CLCA4: variants seen among roughly 807,000 people sequenced by gnomAD.
The protein encoded by CLCA4 is calcium-activated chloride channel regulator 4.
CLCA4 carries 69 observed loss-of-function variants against 78.9 expected under a neutral mutation model. That is an observed-to-expected ratio of 0.87 (90% CI 0.72 to 1.07). CLCA4 has a LOEUF of 1.07. CLCA4 is among the 50% of genes least tolerant of loss of function. The probability of loss-of-function intolerance (pLI) is 0.00; values close to 1 mark genes in which losing one functional copy is unlikely to be tolerated. For missense variants in CLCA4, 1,133 were observed against 1,095.8 expected (o/e 1.03, Z -0.48); for synonymous variants, 362 against 375.8 (o/e 0.96, Z 0.42).
At position 86,570,132 on chromosome 1, in the gene CLCA4, G is replaced by A. The variant is rs113668039; in HGVS notation, c.1183-945G>A. The stretch of plus-strand genomic sequence containing the variant: ...AAAACATGCAAAAATTGTAATAAGC[G>A]TGGTCAATTTGTTCCCTGATACCAG... On this transcript the variant is annotated intron_variant, in intron 7 of 13. Transcript: ENST00000370563. 4.2e-3 allele frequency among the ~76,000 whole-genome samples: 633 copies of A among 151,992 alleles called. 6 individuals carry two copies. Among genetic ancestry groups the A allele is most frequent in the African/African-American group, 0.013 (537 of 41,482 alleles).
rs547846462 is a variant in CLCA4 at position 86,565,461 on chromosome 1, C to T, written c.735+10C>T. ...GCAAAGTATTGATTCTGTAAGTATG[C>T]TGATAATTGCTTCCAGAATTTATAA... On this transcript the variant is annotated intron_variant, in intron 5 of 13. Transcript: ENST00000370563. The T allele has an allele frequency of 5.1e-5, 79 of 1,542,114 alleles. No individual in the cohort carries two copies. In the South Asian group the frequency reaches 9.5e-4, roughly 19 times the overall value.
chr1:86,577,157 T>C (rs1371532950), intron 11 of CLCA4, among the ~76,000 whole-genome samples: 2 of 152,104 alleles, frequency 1.3e-5, no homozygotes, highest in African/African-American at 4.8e-5. Context: ...AAATCTCTAC[T>C]ACATTAAAAC....
chr1:86,570,960 A>G, intron 7 of CLCA4, 117 bp from the exon 8 acceptor site: 1 of 646,480 alleles, frequency 1.5e-6, no homozygotes, highest in Non-Finnish European at 2.5e-6. Context: ...AATAGAGGTT[A>G]TCTCTTCTAT....
chr1:86,550,886 C>A (rs1380859523), intron 1 of CLCA4, among the ~76,000 whole-genome samples: 2 of 146,506 alleles, frequency 1.4e-5, no homozygotes, highest in Non-Finnish European at 3.0e-5. Flanking sequence ...GGCTGGAGTG[C>A]AGTGGTGCGA....
At position 86,559,914 on chromosome 1, in the gene CLCA4, T is replaced by C; in HGVS notation, c.160-18T>C. 1.9e-6 allele frequency: 3 copies of C among 1,576,850 alleles called. No homozygotes were observed. Among genetic ancestry groups the C allele is most frequent in the Non-Finnish European group, 2.6e-6 (3 of 1,164,622 alleles). ...CTCTAACTTCACCATCCTCACATAT[T>C]TTTTCCTTTAATGACAGGATATGGT... On this transcript the variant is annotated intron_variant, in intron 1 of 13. Transcript: ENST00000370563.
At chr1:86,578,368 A>G (rs1650594526) in intron 12 of CLCA4, among the ~76,000 whole-genome samples, 2 of 151,984 alleles carry the variant, frequency 1.3e-5, no homozygotes, top group Non-Finnish European at 2.9e-5. Flanking sequence ...AACTCGTGTC[A>G]TGGCGGTTTG....
At chr1:86,576,319 T>C (rs977315034) in intron 11 of CLCA4, among the ~76,000 whole-genome samples, 2 of 151,844 alleles carry the variant, frequency 1.3e-5, no homozygotes, top group African/African-American at 4.8e-5. Context: ...TGTGCCACCA[T>C]GCTCAGCTAA....
rs769792955 is a variant in CLCA4, at chr1:86,567,564, T to C, written c.1095T>C (p.Ser365=). 10 of 1,613,310 alleles carry C rather than the reference T, an allele frequency of 6.2e-6. No homozygotes were observed. Among genetic ancestry groups the C allele is most frequent in the Middle Eastern group, 1.7e-4 (1 of 6,060 alleles). The part of the protein sequence containing the change: ...IVNKLIQIKS[S]DERNTLMAGL... ...ATAAGCTAATCCAAATAAAAAGCAG[T>C]GATGAAAGAAACACACTCATGGCAG... Residue 365 remains serine (S), a synonymous_variant, in exon 7 of 14, where the codon AGT becomes AGC. Coordinates refer to ENST00000370563, the MANE Select transcript of CLCA4 (RefSeq NM_012128.4).
At chr1:86,578,440 C>T (rs571895538) in intron 12 of CLCA4, among the ~76,000 whole-genome samples, 11 of 151,988 alleles carry the variant, frequency 7.2e-5, no homozygotes, top group Admixed American at 4.6e-4. Context: ...TTTTTTCTGA[C>T]CCTCTCCCTC....
At chr1:86,568,916 T>C (rs1292473918) in intron 7 of CLCA4, among the ~76,000 whole-genome samples, 1 of 152,052 alleles carries the variant, frequency 6.6e-6, no homozygotes, top group African/African-American at 2.4e-5. Context: ...CACATTGCGA[T>C]TGTCACTTAT....
At chr1:86,552,600 G>T (rs577305295) in intron 1 of CLCA4, 17 of 628,002 alleles carry the variant, frequency 2.7e-5, no homozygotes, top group Admixed American at 8.0e-5. Flanking sequence ...ACACAGCTGC[G>T]AGCGCTCAGG....
chr1:86,563,364 T>A (rs1465709757), intron 3 of CLCA4, among the ~76,000 whole-genome samples: 6 of 151,874 alleles, frequency 4.0e-5, no homozygotes, highest in Non-Finnish European at 8.8e-5. Context: ...GTACTAAGAC[T>A]TTTTACCACC....
intron 1 of CLCA4, among the ~76,000 whole-genome samples, chr1:86,554,375 TTTTG>T (rs908120669): frequency 1.1e-4 from 16 of 152,082 alleles, no homozygotes; most frequent in African/African-American, 2.9e-4. Flanking sequence ...GTACCACAGT[TTTTG>T]TTTGTTTGTT....
intron 1 of CLCA4, among the ~76,000 whole-genome samples, chr1:86,559,267 CAA>C (rs778602580): frequency 3.3e-5 from 5 of 152,042 alleles, no homozygotes; most frequent in Non-Finnish European, 7.4e-5. Context: ...GTTCTGTAAT[CAA>C]AGTTTTGTCT....
intron 1 of CLCA4, among the ~76,000 whole-genome samples, chr1:86,553,511 C>T (rs571044278): frequency 2.0e-5 from 3 of 152,326 alleles, no homozygotes; most frequent in African/African-American, 7.2e-5. Context: ...CTCTGCTCAG[C>T]CGACGCCACC....
chr1:86,578,996 C>T (rs1040683462), intron 12 of CLCA4, among the ~76,000 whole-genome samples: 3 of 151,954 alleles, frequency 2.0e-5, no homozygotes, highest in Admixed American at 6.6e-5. Flanking sequence ...AGGGACCTAG[C>T]ACAAGTGGGT....
chr1:86,564,573 A>G (rs1330904385), intron 4 of CLCA4, among the ~76,000 whole-genome samples: 1 of 152,208 alleles, frequency 6.6e-6, no homozygotes, highest in Non-Finnish European at 1.5e-5. Context: ...CGACATATTT[A>G]TAAGACTCTC....
chr1:86,553,542 G>A (rs1649728963), intron 1 of CLCA4, among the ~76,000 whole-genome samples: 1 of 152,176 alleles, frequency 6.6e-6, no homozygotes, highest in Non-Finnish European at 1.5e-5. Context: ...CCTGCTTCCC[G>A]CCGCTCAGGG....
intron 1 of CLCA4, among the ~76,000 whole-genome samples, chr1:86,555,623 A>T (rs1649815832): frequency 6.6e-6 from 1 of 152,190 alleles, no homozygotes; most frequent in Non-Finnish European, 1.5e-5. Flanking sequence ...GTTTGAAATC[A>T]GGTAACATGA....
Sources: allele counts gnomAD v4.1 joint callset (sites outside exome capture counted in the v4.1 genomes callset), GRCh38; gene constraint gnomAD v4.1.1; transcripts MANE v1.5; gene names NCBI Gene and HGNC (gene_info 2026-07-23, HGNC 2026-07-21).